ATP7B: variants seen among roughly 807,000 people sequenced by gnomAD.
ATP7B encodes copper-transporting ATPase 2.
In ATP7B, 113 loss-of-function variants were observed where a neutral mutation model predicts 118.9. That is an observed-to-expected ratio of 0.95 (90% CI 0.82 to 1.11). The LOEUF (loss-of-function observed/expected upper bound fraction) is 1.11. Among genes scored for constraint, ATP7B ranks in the 50% most tolerant of loss-of-function variants. The probability of loss-of-function intolerance (pLI) is 0.00; values close to 1 mark genes in which losing one functional copy is unlikely to be tolerated. For missense variants in ATP7B, 1,867 were observed against 1,871.4 expected (o/e 1.00, Z 0.04); for synonymous variants, 777 against 727.4 (o/e 1.07, Z -1.10).
chr13:51,935,546 A>T, intron 20 of ATP7B, 47 bp downstream of exon 20: 1 of 1,559,768 alleles, frequency 6.4e-7, no homozygotes, highest in East Asian at 2.3e-5. Context: ...CAGAATGACA[A>T]GGCCTCCTGG....
chr13:51,978,357 G>A (rs2140176903), intron 1 of ATP7B, among the ~76,000 whole-genome samples: 1 of 152,248 alleles, frequency 6.6e-6, no homozygotes, highest in East Asian at 1.9e-4. Flanking sequence ...AAAATACATG[G>A]GAAAATATTA....
chr13:51,961,622 G>A (rs549538980), intron 6 of ATP7B, among the ~76,000 whole-genome samples: 2 of 152,262 alleles, frequency 1.3e-5, no homozygotes, highest in Admixed American at 6.5e-5. Context: ...TGTGACTAGC[G>A]GCTATCACAC....
At chr13:51,942,096 T>C (rs1396896453) in intron 15 of ATP7B, among the ~76,000 whole-genome samples, 2 of 152,240 alleles carry the variant, frequency 1.3e-5, no homozygotes, top group African/African-American at 2.4e-5. Context: ...CCCGTCTGTC[T>C]ACTCTGTAGC....
Position 51,950,289 on chromosome 13 carries a change from T to C in ATP7B, c.2558A>G (p.Asp853Gly), listed in dbSNP as rs752634617. The change falls in exon 10 of 21, where the codon GAT becomes GGT. Residue 853 changes from aspartate (D) to glycine (G), a missense_variant. Coordinates refer to ENST00000242839, the MANE Select transcript of ATP7B (RefSeq NM_000053.4). ...GKVLEGNTMA[D>G]ESLITGEAMP... ...CATCTCACCTGTGATGAGGGACTCA[T>C]CAGCCATGGTATTGCCTTCCAGGAC... 1.9e-6 allele frequency: 3 copies of C among 1,614,158 alleles called. No individual in the cohort carries two copies. The highest frequency in any genetic ancestry group is 1.7e-5 in the Admixed American group (1 of 60,020).
In ATP7B at chr13:51,946,566, C is replaced by G. The variant is rs1957676151; in HGVS notation, c.2866-88G>C. On this transcript the variant is annotated intron_variant, in intron 12 of 20. Coordinates refer to ENST00000242839, the MANE Select transcript of ATP7B (RefSeq NM_000053.4). ...ATCACATAAGGACATTTCAGGGGGG[C>G]ACTGGACACAACGTGACGAACTTGG... 4 of 1,483,536 alleles carry G rather than the reference C, an allele frequency of 2.7e-6. No homozygotes were observed. The South Asian group carries it at 3.5e-5, about 13-fold the overall frequency. 91.9% of individuals were successfully genotyped at this position (1,483,536 alleles called of 1,614,324 possible).
intron 1 of ATP7B, among the ~76,000 whole-genome samples, chr13:52,000,754 C>T (rs1180687431): frequency 6.6e-6 from 1 of 152,220 alleles, no homozygotes; most frequent in Non-Finnish European, 1.5e-5. Context: ...GGTGCAGGGG[C>T]TCATGCCTGT....
intron 3 of ATP7B, among the ~76,000 whole-genome samples, chr13:51,969,232 T>G (rs1430821279): frequency 6.6e-6 from 1 of 151,952 alleles, no homozygotes; most frequent in Non-Finnish European, 1.5e-5. Context: ...AATGGACATA[T>G]GAATCACCCG....
chr13:51,950,637 TC>T (rs1438136854), intron 9 of ATP7B, among the ~76,000 whole-genome samples: 1 of 152,052 alleles, frequency 6.6e-6, no homozygotes, highest in African/African-American at 2.4e-5. Flanking sequence ...GAAGACAAGT[TC>T]TGTGGTAGAA....
chr13:51,975,782 A>G (rs1952084165), intron 1 of ATP7B, among the ~76,000 whole-genome samples: 1 of 152,248 alleles, frequency 6.6e-6, no homozygotes, highest in South Asian at 2.1e-4. Flanking sequence ...GGTGGGCCAC[A>G]TGCCTGTGAA....
At chr13:51,960,069 G>C in intron 7 of ATP7B, 79 bp downstream of exon 7, 2 of 1,529,720 alleles carry the variant, frequency 1.3e-6, no homozygotes, top group Non-Finnish European at 1.8e-6. Flanking sequence ...AAAGCACTAT[G>C]TTTGCGCTTA....
chr13:51,979,831 G>T (rs1952323861), intron 1 of ATP7B, among the ~76,000 whole-genome samples: 1 of 152,108 alleles, frequency 6.6e-6, no homozygotes, highest in Non-Finnish European at 1.5e-5. Context: ...CTGCCAAAAG[G>T]GTTTGCAGTA....
At chr13:52,004,096 A>G (rs576904435) in intron 1 of ATP7B, among the ~76,000 whole-genome samples, 3 of 152,008 alleles carry the variant, frequency 2.0e-5, no homozygotes, top group South Asian at 2.1e-4. Flanking sequence ...CGTCTCTACT[A>G]AAAAAAATTA....
At position 51,937,399 on chromosome 13, in the gene ATP7B, G is replaced by A. The variant is rs2138565951; in HGVS notation, c.3904-6C>T. 6 of 1,614,220 alleles carry A rather than the reference G, an allele frequency of 3.7e-6. No homozygotes were observed. The highest frequency in any genetic ancestry group is 5.1e-6 in the Non-Finnish European group (6 of 1,180,034). The stretch of plus-strand genomic sequence containing the variant: ...ACCACATCCAGCAAATCATTCTGAT[G>A]GAGAGGAGCACACAGTGAGGAAGGG... On this transcript the variant is annotated splice_polypyrimidine_tract_variant and splice_region_variant and intron_variant, in intron 18 of 20. Transcript: ENST00000242839.
chr13:52,002,170 C>T (rs184227313), intron 1 of ATP7B, among the ~76,000 whole-genome samples: 74 of 152,204 alleles, frequency 4.9e-4, no homozygotes, highest in African/African-American at 1.7e-3. Flanking sequence ...TAAAGAATTT[C>T]TCAATAAGCA....
intron 1 of ATP7B, chr13:51,975,451 C>G: frequency 1.7e-6 from 1 of 593,142 alleles, no homozygotes; most frequent in Non-Finnish European, 3.2e-6. Flanking sequence ...AAGGAAAGCA[C>G]GACACAGCTT....
intron 12 of ATP7B, chr13:51,947,803 CT>C (rs1957759401): frequency 6.6e-6 from 1 of 152,186 alleles, no homozygotes; most frequent in African/African-American, 2.4e-5. Flanking sequence ...TCTACAATGA[CT>C]TTTGTACAGC....
intron 16 of ATP7B, among the ~76,000 whole-genome samples, chr13:51,939,453 T>A (rs550293705): frequency 6.6e-6 from 1 of 152,348 alleles, no homozygotes; most frequent in South Asian, 2.1e-4. Flanking sequence ...TTCTCCTTTA[T>A]AGCTGAATTT....
chr13:51,939,034 A>T lies in ATP7B; in HGVS notation c.3699+17T>A, dbSNP rs749018321. ...TTTTATGAGCTTTACACAGTTTGCAACATTAAAGGGCTGTACCTGGGTGGC... is the reference window on the plus strand; with the variant it reads ...TTTTATGAGCTTTACACAGTTTGCATCATTAAAGGGCTGTACCTGGGTGGC... On this transcript the variant is annotated intron_variant, in intron 17 of 20. Coordinates refer to ENST00000242839, the MANE Select transcript of ATP7B (RefSeq NM_000053.4). The T allele has an allele frequency of 6.2e-7, 1 of 1,614,252 alleles. No homozygotes were observed. The highest frequency in any genetic ancestry group is 8.5e-7 in the Non-Finnish European group (1 of 1,180,042).
At chr13:51,963,905 A>T (rs905758746) in intron 5 of ATP7B, among the ~76,000 whole-genome samples, 4 of 152,084 alleles carry the variant, frequency 2.6e-5, no homozygotes, top group African/African-American at 9.6e-5. Context: ...TACAAAAATT[A>T]GCCAGGCATG....
Sources: allele counts gnomAD v4.1 joint callset (sites outside exome capture counted in the v4.1 genomes callset), GRCh38; gene constraint gnomAD v4.1.1; transcripts MANE v1.5; gene names NCBI Gene and HGNC (gene_info 2026-07-23, HGNC 2026-07-21).